The following TRIM24 variants were observed in gnomAD, a reference collection of about 807,000 sequenced individuals.
The protein encoded by TRIM24 is tripartite motif containing 24.
A neutral mutation model predicts 123.9 loss-of-function variants in TRIM24; 29 were observed. The ratio of observed to expected loss-of-function variants is 0.23; its 90% CI spans 0.17 to 0.32. The LOEUF (loss-of-function observed/expected upper bound fraction) is 0.32. TRIM24 is among the 10% of genes least tolerant of loss of function. The pLI is 1.00. For synonymous variants in TRIM24, 456 were observed against 461.1 expected (o/e 0.99, Z 0.14); for missense variants, 932 against 1,295.3 (o/e 0.72, Z 4.31).
intron 14 of TRIM24, 114 bp downstream of exon 14, chr7:138,577,702 C>A (rs1797791023): frequency 4.6e-6 from 4 of 862,546 alleles, no homozygotes; most frequent in South Asian, 8.2e-5. Flanking sequence ...GATTTAAAGA[C>A]AATTTGAGGG....
At chr7:138,579,948 T>C (rs1232958765) in intron 15 of TRIM24, among the ~76,000 whole-genome samples, 2 of 151,756 alleles carry the variant, frequency 1.3e-5, no homozygotes, top group Non-Finnish European at 1.5e-5. Flanking sequence ...GAAAAAAAAA[T>C]AACAGGCCCT....
At chr7:138,527,261 A>G (rs1796629902) in intron 5 of TRIM24, among the ~76,000 whole-genome samples, 1 of 151,970 alleles carries the variant, frequency 6.6e-6, no homozygotes, top group South Asian at 2.1e-4. Flanking sequence ...TTCTTCTTTT[A>G]TTTTTATAAA....
chr7:138,533,706 GTAT>G (rs1796799115), intron 6 of TRIM24, among the ~76,000 whole-genome samples: 1 of 152,138 alleles, frequency 6.6e-6, no homozygotes, highest in Non-Finnish European at 1.5e-5. Flanking sequence ...CCAGGCTTTG[GTAT>G]CAGGATGATG....
chr7:138,572,078 CTTT>C (rs1455486488), intron 11 of TRIM24, among the ~76,000 whole-genome samples: 1 of 152,078 alleles, frequency 6.6e-6, no homozygotes, highest in Non-Finnish European at 1.5e-5. Flanking sequence ...GTGAAAATAA[CTTT>C]TTTATTTTCA....
intron 9 of TRIM24, among the ~76,000 whole-genome samples, chr7:138,558,784 G>A (rs1353650489): frequency 6.6e-6 from 1 of 152,238 alleles, no homozygotes; most frequent in Non-Finnish European, 1.5e-5. Flanking sequence ...AAGATGGTGA[G>A]ATGTGCAGGA....
chr7:138,552,290 CT>C (rs1253974755), intron 8 of TRIM24, among the ~76,000 whole-genome samples: 2 of 152,088 alleles, frequency 1.3e-5, no homozygotes, highest in African/African-American at 4.8e-5. Flanking sequence ...TATCCCCATC[CT>C]TTAGCAACAC....
At chr7:138,535,442 C>G (rs1004086678) in intron 6 of TRIM24, among the ~76,000 whole-genome samples, 1 of 152,142 alleles carries the variant, frequency 6.6e-6, no homozygotes, top group Non-Finnish European at 1.5e-5. Context: ...CTTTGCTTGT[C>G]TATAACGGAT....
chr7:138,535,593 T>C (rs1279082687), intron 6 of TRIM24, among the ~76,000 whole-genome samples: 1 of 152,250 alleles, frequency 6.6e-6, no homozygotes, highest in Non-Finnish European at 1.5e-5. Context: ...CCACTGTTAG[T>C]CTGATGGGCT....
At chr7:138,501,941 T>G (rs1241196468) in intron 1 of TRIM24, among the ~76,000 whole-genome samples, 1 of 151,908 alleles carries the variant, frequency 6.6e-6, no homozygotes, top group African/African-American at 2.4e-5. Context: ...AGCTCATGAT[T>G]GTATTTACTG....
intron 5 of TRIM24, among the ~76,000 whole-genome samples, chr7:138,528,299 G>A (rs1236011680): frequency 6.6e-6 from 1 of 152,106 alleles, no homozygotes; most frequent in Non-Finnish European, 1.5e-5. Context: ...CATACCATAG[G>A]AGAAAGAAAA....
chr7:138,584,720 CAT>C lies in TRIM24; in HGVS notation c.2944-21_2944-20del. 1 of 1,560,808 alleles carries C rather than the reference CAT, an allele frequency of 6.4e-7. No individual in the cohort carries two copies. The highest frequency in any genetic ancestry group is 8.6e-7 in the Non-Finnish European group (1 of 1,156,458). On this transcript the variant is annotated intron_variant, in intron 18 of 18. Coordinates refer to ENST00000343526, the MANE Select transcript of TRIM24 (RefSeq NM_015905.3). ...GTCAAAAGTGTGTCCTTTTTTTACT[CAT>C]TTTTATTTTTACTCCACAGCCTGAT...
At chr7:138,513,021 A>G (rs1023327518) in intron 2 of TRIM24, among the ~76,000 whole-genome samples, 2 of 152,118 alleles carry the variant, frequency 1.3e-5, no homozygotes, top group African/African-American at 4.8e-5. Context: ...GAAACCAGAT[A>G]CTCTAAATAA....
chr7:138,551,557 G>T (rs1413044621), intron 8 of TRIM24, among the ~76,000 whole-genome samples: 1 of 152,068 alleles, frequency 6.6e-6, no homozygotes, highest in African/African-American at 2.4e-5. Context: ...GTATGTATAT[G>T]GTAACAAATA....
chr7:138,549,494 T>C (rs1358558767), intron 7 of TRIM24, among the ~76,000 whole-genome samples: 1 of 151,812 alleles, frequency 6.6e-6, no homozygotes, highest in Non-Finnish European at 1.5e-5. Flanking sequence ...TAGCAGCTAG[T>C]GAAACAAGGG....
At chr7:138,582,010 T>C (rs1797905124) in intron 17 of TRIM24, among the ~76,000 whole-genome samples, 1 of 152,200 alleles carries the variant, frequency 6.6e-6, no homozygotes, top group South Asian at 2.1e-4. Context: ...TACTTACCAC[T>C]GGGATGTTTA....
chr7:138,555,837 C>A (rs1428979046), intron 9 of TRIM24, among the ~76,000 whole-genome samples: 1 of 152,112 alleles, frequency 6.6e-6, no homozygotes, highest in East Asian at 1.9e-4. Flanking sequence ...GACACTAACT[C>A]AATCAACCAT....
Position 138,573,662 on chromosome 7 carries a change from A to AT in TRIM24, c.2014+25dup, listed in dbSNP as rs1364136617. 6.3e-7 allele frequency: 1 copy of AT among 1,585,288 alleles called. No homozygotes were observed. The highest frequency in any genetic ancestry group is 8.5e-7 in the Non-Finnish European group (1 of 1,170,988). Reference sequence around the variant, plus strand: ...TTGCAGGTAAAGTGGGCTTCTTTTGATTTTTGTGAAAGTTTTTCTAGTTTT... The same window carrying AT: ...TTGCAGGTAAAGTGGGCTTCTTTTGATTTTTTGTGAAAGTTTTTCTAGTTTT... On this transcript the variant is annotated intron_variant, in intron 12 of 18. Coordinates refer to ENST00000343526, the MANE Select transcript of TRIM24 (RefSeq NM_015905.3).
rs199936485 is a variant in TRIM24 at position 138,504,445 on chromosome 7, C to T, written c.483+37C>T. The T allele has an allele frequency of 3.7e-3, 1,152 of 311,270 alleles. 150 individuals carry two copies. Among genetic ancestry groups the T allele is most frequent in the East Asian group, 9.7e-3 (60 of 6,216 alleles). The allele number at this position is 311,270 out of a possible 1,614,324, so 19.3% of individuals were successfully genotyped here. On this transcript the variant is annotated intron_variant, in intron 2 of 18. Transcript: ENST00000343526. ...ACATCTTGAACCTTTTGCCTGCCAG[C>T]TCTTTTTTTTTTTTTTTTTTTTTTT...
intron 1 of TRIM24, among the ~76,000 whole-genome samples, chr7:138,463,241 C>G (rs1319317797): frequency 6.6e-6 from 1 of 150,504 alleles, no homozygotes; most frequent in Non-Finnish European, 1.5e-5. Context: ...TCCTTCCTTC[C>G]TTCTTTCCTG....
Sources: allele counts gnomAD v4.1 joint callset (sites outside exome capture counted in the v4.1 genomes callset), GRCh38; gene constraint gnomAD v4.1.1; transcripts MANE v1.5; gene names NCBI Gene and HGNC (gene_info 2026-07-23, HGNC 2026-07-21).